Variants in CCND3 observed in about 807,000 individuals in gnomAD.
The protein encoded by CCND3 is cyclin D3.
A neutral mutation model predicts 28.7 loss-of-function variants in CCND3; 9 were observed. The observed-to-expected ratio is 0.31, with a 90% confidence interval of 0.19 to 0.55. CCND3 has a LOEUF of 0.55. Ranked by LOEUF, CCND3 falls within the 20% of genes least tolerant of loss-of-function variation. The pLI, the probability that CCND3 is intolerant of heterozygous loss-of-function variation, is 0.93. For synonymous variants in CCND3, 164 were observed against 163.9 expected, an observed-to-expected ratio of 1.00 and a Z score of 0.00; for missense variants, 315 against 385.8, an observed-to-expected ratio of 0.82 and a Z score of 1.54.
chr6:42,004,994 C>T (rs1174350133), intron 1 of CCND3, among the ~76,000 whole-genome samples: 1 of 152,060 alleles, frequency 6.6e-6, no homozygotes, highest in Non-Finnish European at 1.5e-5. Flanking sequence ...GCATCAATTC[C>T]AATTTTATGT....
intron 1 of CCND3, among the ~76,000 whole-genome samples, chr6:42,047,151 GAGA>G (rs1490183665): frequency 3.3e-5 from 5 of 152,206 alleles, no homozygotes; most frequent in Admixed American, 6.5e-5. Context: ...AAGCCGGAAG[GAGA>G]AGATGTTTGG....
chr6:41,992,471 T>TTC (rs886451811), intron 1 of CCND3, among the ~76,000 whole-genome samples: 1 of 142,318 alleles, frequency 7.0e-6, no homozygotes, highest in African/African-American at 2.6e-5. Flanking sequence ...CGGTTTTTTT[T>TTC]TTTTTTTTTA....
chr6:42,035,569 G>C (rs1764180548), intron 1 of CCND3, among the ~76,000 whole-genome samples: 1 of 150,888 alleles, frequency 6.6e-6, no homozygotes, highest in African/African-American at 2.4e-5. Context: ...GGGTTTCACT[G>C]TGTTAGCCAG....
chr6:41,976,821 C>T (rs931212852), intron 1 of CCND3, among the ~76,000 whole-genome samples: 12 of 152,130 alleles, frequency 7.9e-5, no homozygotes, highest in Non-Finnish European at 1.5e-4. Context: ...ACCTCAATGA[C>T]GCCTCCTGGC....
At position 42,013,056 on chromosome 6, in the gene CCND3, T is replaced by A. The variant is rs533371034; in HGVS notation, c.-46+35445A>T. Among the ~76,000 whole-genome samples, 3 of 152,326 alleles carry A rather than the reference T, an allele frequency of 2.0e-5. No homozygotes were observed. The South Asian group carries it at 6.2e-4, about 32-fold the overall frequency. The stretch of plus-strand genomic sequence containing the variant: ...GGCCTCTACCCGCTGATCCTGGTCC[T>A]ATTGCCTGTTTAGGGGCAATACGGG... On this transcript the variant is annotated intron_variant, in intron 1 of 4. Coordinates refer to the CCND3 transcript ENST00000372988.
At chr6:42,011,033 G>C (rs1763331555) in intron 1 of CCND3, 1 of 152,080 alleles carries the variant, frequency 6.6e-6, no homozygotes, top group Admixed American at 6.6e-5. Flanking sequence ...TCCAATGAAG[G>C]CTTTCAAAAG....
intron 1 of CCND3, among the ~76,000 whole-genome samples, chr6:41,981,438 C>T (rs948430243): frequency 6.6e-6 from 1 of 151,950 alleles, no homozygotes; most frequent in African/African-American, 2.4e-5. Flanking sequence ...CTCCTGACCT[C>T]GTGATCCACC....
chr6:41,999,774 C>A (rs7754319), intron 1 of CCND3, among the ~76,000 whole-genome samples: 149,115 of 152,192 alleles, frequency 0.98, 73,118 homozygotes, highest in East Asian at 1. Flanking sequence ...ACCTACAGTC[C>A]CAGCTTCTTT....
intron 1 of CCND3, among the ~76,000 whole-genome samples, chr6:42,001,213 C>T (rs569623448): frequency 8.5e-5 from 9 of 105,966 alleles, no homozygotes; most frequent in Admixed American, 5.9e-4. Flanking sequence ...CCAGCCTGGG[C>T]AACAGAGCAA....
chr6:42,017,491 C>T (rs13204359), intron 1 of CCND3, among the ~76,000 whole-genome samples: 9,744 of 152,308 alleles, frequency 0.064, 494 homozygotes, highest in Middle Eastern at 0.1. Flanking sequence ...AATGTCTTGT[C>T]TCCACAAAGG....
chr6:42,040,501 A>T (rs1764338876), intron 1 of CCND3, among the ~76,000 whole-genome samples: 1 of 152,126 alleles, frequency 6.6e-6, no homozygotes, highest in African/African-American at 2.4e-5. Flanking sequence ...CAATACAACC[A>T]GCTATATGAC....
At chr6:41,998,860 G>A (rs1363149696) in intron 1 of CCND3, among the ~76,000 whole-genome samples, 3 of 150,296 alleles carry the variant, frequency 2.0e-5, no homozygotes, top group African/African-American at 7.4e-5. Flanking sequence ...TGTATTTTTA[G>A]TAGAGATGGA....
chr6:42,028,350 C>T (rs1006560159), intron 1 of CCND3, among the ~76,000 whole-genome samples: 4 of 152,102 alleles, frequency 2.6e-5, no homozygotes, highest in Admixed American at 6.6e-5. Flanking sequence ...GGAGTGGGTT[C>T]GGCGATGGCC....
intron 1 of CCND3, among the ~76,000 whole-genome samples, chr6:41,959,850 G>A (rs895183122): frequency 6.6e-6 from 1 of 151,874 alleles, no homozygotes; most frequent in Non-Finnish European, 1.5e-5. Context: ...CAGCTGCTTG[G>A]GAGGCTGAGG....
rs767841702 is a variant in CCND3 at position 41,940,399 on chromosome 6, C to G, written c.385G>C (p.Asp129His). Reference sequence around the variant, plus strand: ...AACTGGCGGGGAGAGACAGCGTGGTCGGTGTAGATGCACAGTTTTTCGATG... The same window carrying G: ...AACTGGCGGGGAGAGACAGCGTGGTGGGTGTAGATGCACAGTTTTTCGATG... ...LTIEKLCIYT[D>H]HAVSPRQLRD... Residue 129 changes from aspartate to histidine, a missense_variant, in exon 2 of 5, where the codon GAC becomes CAC. Coordinates refer to ENST00000372991, the MANE Select transcript of CCND3 (RefSeq NM_001760.5). 1 of 1,614,002 alleles carries G rather than the reference C, an allele frequency of 6.2e-7. No individual in the cohort carries two copies. Among genetic ancestry groups the G allele is most frequent in the South Asian group, 1.1e-5 (1 of 91,072 alleles).
At chr6:42,016,136 T>C (rs1337928461) in intron 1 of CCND3, among the ~76,000 whole-genome samples, 1 of 152,010 alleles carries the variant, frequency 6.6e-6, no homozygotes, top group African/African-American at 2.4e-5. Flanking sequence ...GGTTTCACCA[T>C]GTTGACCTGG....
rs1293923169 is a variant in CCND3, at chr6:41,939,926, TAAAG to T, written c.414+440_414+443del. ...TTCTATCACAAAGTCCACATGAGGATAAAGACTCAACCAAGGCAAAACCCCCTCC... is the reference window on the plus strand; with the variant it reads ...TTCTATCACAAAGTCCACATGAGGATACTCAACCAAGGCAAAACCCCCTCC... On this transcript the variant is annotated intron_variant, in intron 2 of 4. Transcript: ENST00000372991. The surrounding 1 kb of genome is among the most constrained non-coding windows in gnomAD (Gnocchi z 4.2). 6.6e-6 allele frequency among the ~76,000 whole-genome samples: 1 copy of T among 152,080 alleles called. No homozygotes were observed. Among genetic ancestry groups the T allele is most frequent in the Non-Finnish European group, 1.5e-5 (1 of 68,012 alleles).
At chr6:41,943,589 TTG>T (rs533337870), upstream of CCND3, among the ~76,000 whole-genome samples, 134 of 152,330 alleles carry the variant, frequency 8.8e-4, 1 homozygote, top group African/African-American at 3.1e-3. Flanking sequence ...GGTAATATCT[TTG>T]TGCACACTCA....
At chr6:42,044,445 A>G (rs1764468710) in intron 1 of CCND3, among the ~76,000 whole-genome samples, 1 of 152,192 alleles carries the variant, frequency 6.6e-6, no homozygotes, top group Non-Finnish European at 1.5e-5. Flanking sequence ...TGGGAGAGCA[A>G]AGAATGACAT....
Sources: allele counts gnomAD v4.1 joint callset (sites outside exome capture counted in the v4.1 genomes callset), GRCh38; gene constraint gnomAD v4.1.1; non-coding constraint Gnocchi (gnomAD v3.1); transcripts MANE v1.5; gene names NCBI Gene and HGNC (gene_info 2026-07-23, HGNC 2026-07-21).